The following RASGRF2 variants were observed in gnomAD, a reference collection of about 807,000 sequenced individuals.
RASGRF2 encodes the protein Ras protein specific guanine nucleotide releasing factor 2, also known as ras-specific guanine nucleotide-releasing factor 2.
A neutral mutation model predicts 151.0 loss-of-function variants in RASGRF2; 76 were observed. That is an observed-to-expected ratio of 0.50 (90% CI 0.42 to 0.61). The LOEUF (loss-of-function observed/expected upper bound fraction) is 0.61, where lower values mean the gene tolerates loss of function less well. Among genes scored for constraint, RASGRF2 ranks in the 20% least tolerant of loss-of-function variants. The pLI is 0.00. For synonymous variants in RASGRF2, 504 were observed against 566.5 expected, an observed-to-expected ratio of 0.89 and a Z score of 1.57; for missense variants, 1,148 against 1,564.6, an observed-to-expected ratio of 0.73 and a Z score of 4.49.
At chr5:81,202,273 C>T (rs1755414547) in intron 19 of RASGRF2, among the ~76,000 whole-genome samples, 1 of 152,176 alleles carries the variant, frequency 6.6e-6, no homozygotes, top group Non-Finnish European at 1.5e-5. Context: ...GGGTCTGGTA[C>T]TTCTTTACCA....
intron 17 of RASGRF2, among the ~76,000 whole-genome samples, chr5:81,144,640 T>C (rs966741066): frequency 6.6e-6 from 1 of 152,238 alleles, no homozygotes; most frequent in Non-Finnish European, 1.5e-5. Flanking sequence ...GTGGTTGCAC[T>C]TATTATCAAC....
Position 81,225,663 on chromosome 5 carries a change from C to T in RASGRF2, c.3622-15C>T. The stretch of plus-strand genomic sequence containing the variant: ...CTGAAAGAGGTAAAAGCTGGGACTT[C>T]CCCTTTTTTTTCAGGTCGCACAGTA... On this transcript the variant is annotated splice_polypyrimidine_tract_variant and intron_variant, in intron 26 of 26. Coordinates refer to ENST00000265080, the MANE Select transcript of RASGRF2 (RefSeq NM_006909.3). 2.5e-6 allele frequency: 4 copies of T among 1,609,650 alleles called. No individual in the cohort carries two copies. The highest frequency in any genetic ancestry group is 3.4e-6 in the Non-Finnish European group (4 of 1,178,394).
chr5:81,208,271 A>G lies in RASGRF2; in HGVS notation c.3072-83A>G. 1.7e-6 allele frequency: 2 copies of G among 1,178,654 alleles called. 1 individual carries two copies. The highest frequency in any genetic ancestry group is 2.8e-5 in the South Asian group (2 of 72,318). 73.0% of individuals were successfully genotyped at this position (1,178,654 alleles called of 1,614,324 possible). Reference sequence around the variant, plus strand: ...AGGCCATGTCAAATGGAATTTTTCTAATATTCGTGACAACTGTCCAGGATC... The same window carrying G: ...AGGCCATGTCAAATGGAATTTTTCTGATATTCGTGACAACTGTCCAGGATC... On this transcript the variant is annotated intron_variant, in intron 21 of 26. Transcript: ENST00000265080.
intron 5 of RASGRF2, among the ~76,000 whole-genome samples, chr5:81,076,875 G>T (rs1458411765): frequency 6.6e-6 from 1 of 152,270 alleles, no homozygotes; most frequent in East Asian, 1.9e-4. Flanking sequence ...TTTCCAGTGA[G>T]ATCAGTCAGG....
intron 26 of RASGRF2, among the ~76,000 whole-genome samples, chr5:81,223,642 G>GA (rs752469512): frequency 2.1e-3 from 289 of 136,154 alleles, no homozygotes; most frequent in Admixed American, 1.9e-3. Context: ...CTCCGTCTCA[G>GA]AAAAAAAAAA....
At chr5:81,011,054 TG>T (rs146609465) in intron 1 of RASGRF2, among the ~76,000 whole-genome samples, 81,522 of 151,594 alleles carry the variant, frequency 0.54, 22,188 homozygotes, top group Middle Eastern at 0.68. Flanking sequence ...ATATTTAAGA[TG>T]TATGTGGTAT....
At chr5:81,082,794 A>C (rs918585476) in intron 7 of RASGRF2, among the ~76,000 whole-genome samples, 1 of 152,238 alleles carries the variant, frequency 6.6e-6, no homozygotes, top group Admixed American at 6.5e-5. Context: ...GGAGGCTTTG[A>C]TCTGGAAGAA....
chr5:81,227,817 T>G lies in RASGRF2; in HGVS notation c.*2047T>G, dbSNP rs1435750291. ...CATGCATTCTACTCTGCCTTGGAGT[T>G]GCCAGAGTCCTTCAGAGGGAAAGGG... is the stretch of plus-strand genomic sequence containing the variant. On this transcript the variant is annotated 3_prime_UTR_variant, in exon 27 of 27. Transcript: ENST00000265080. The G allele has an allele frequency of 6.6e-6, 1 of 152,178 alleles. No individual in the cohort carries two copies. The highest frequency in any genetic ancestry group is 1.9e-4 in the East Asian group (1 of 5,200). The allele number at this position is 152,178 out of a possible 1,614,324, so 9.4% of individuals were successfully genotyped here.
At chr5:81,016,238 A>G (rs1749633278) in intron 1 of RASGRF2, among the ~76,000 whole-genome samples, 1 of 152,222 alleles carries the variant, frequency 6.6e-6, no homozygotes, top group Non-Finnish European at 1.5e-5. Context: ...ACAGAGAGGA[A>G]TCATTGTCTT....
At chr5:81,132,014 G>A (rs760228553) in intron 17 of RASGRF2, among the ~76,000 whole-genome samples, 5 of 152,264 alleles carry the variant, frequency 3.3e-5, no homozygotes, top group Admixed American at 6.5e-5. Flanking sequence ...ATTGTCTCAC[G>A]TTCCCTGTTA....
At chr5:81,167,116 G>T (rs10942943) in intron 17 of RASGRF2, among the ~76,000 whole-genome samples, 97,768 of 152,042 alleles carry the variant, frequency 0.64, 32,283 homozygotes, top group East Asian at 0.79. Context: ...TAGCACCATT[G>T]TGAGTTATGT....
chr5:81,086,382 A>G (rs1276105931), intron 8 of RASGRF2, among the ~76,000 whole-genome samples: 1 of 152,132 alleles, frequency 6.6e-6, no homozygotes, highest in African/African-American at 2.4e-5. Flanking sequence ...TTGTATTCAT[A>G]TTTGGTAAGA....
At chr5:81,201,184 C>A in intron 18 of RASGRF2, 146 bp from the exon 19 acceptor site, 1 of 1,303,320 alleles carries the variant, frequency 7.7e-7, no homozygotes, top group East Asian at 2.8e-5. Context: ...AAATCGGGAC[C>A]CTAGGTGTGG....
intron 12 of RASGRF2, among the ~76,000 whole-genome samples, chr5:81,099,406 GT>G (rs140505578): frequency 0.013 from 1,924 of 152,284 alleles, 44 homozygotes; most frequent in African/African-American, 0.043. Flanking sequence ...CTGTTTCCAA[GT>G]TTGAGGATTA....
At position 81,225,818 on chromosome 5, in the gene RASGRF2, A is replaced by ACAGACAGAATTGTGTATGCCTTG. The variant is rs758440484; in HGVS notation, c.*50_*72dup. On this transcript the variant is annotated 3_prime_UTR_variant, in exon 27 of 27. Coordinates refer to ENST00000265080, the MANE Select transcript of RASGRF2 (RefSeq NM_006909.3). ...CCACGGGATGTTCATGGAAAGCAGG[A>ACAGACAGAATTGTGTATGCCTTG]CAGACAGAATTGTGTATGCCTTGCC... The ACAGACAGAATTGTGTATGCCTTG allele has an allele frequency of 6.3e-7, 1 of 1,592,850 alleles. No homozygotes were observed. The highest frequency in any genetic ancestry group is 1.1e-5 in the South Asian group (1 of 87,810).
At chr5:81,022,262 A>T (rs935033936) in intron 1 of RASGRF2, among the ~76,000 whole-genome samples, 2 of 151,894 alleles carry the variant, frequency 1.3e-5, no homozygotes, top group Non-Finnish European at 2.9e-5. Flanking sequence ...GGGCTTCATG[A>T]CTCCAGGCCA....
At chr5:81,217,571 C>CTTA (rs1561265129) in intron 25 of RASGRF2, 98 bp downstream of exon 25, 52 of 360,592 alleles carry the variant, frequency 1.4e-4, no homozygotes, top group South Asian at 2.6e-4. Context: ...TTTTTTTTCT[C>CTTA]TTCTTTTTTT....
intron 17 of RASGRF2, among the ~76,000 whole-genome samples, chr5:81,162,975 G>A (rs1754422424): frequency 6.6e-6 from 1 of 152,128 alleles, no homozygotes. Flanking sequence ...CATCAAGGGG[G>A]CTGCTGTCTC....
intron 1 of RASGRF2, among the ~76,000 whole-genome samples, chr5:81,012,585 G>T (rs1432690003): frequency 6.6e-6 from 1 of 152,094 alleles, no homozygotes; most frequent in Non-Finnish European, 1.5e-5. Flanking sequence ...CCTTGTCCAA[G>T]GTTATGCCCT....
Sources: gnomAD v4.1 joint callset for allele counts (sites outside exome capture counted in the v4.1 genomes callset) on GRCh38, gnomAD v4.1.1 for gene constraint, MANE v1.5 for transcripts, NCBI Gene and HGNC (gene_info 2026-07-23, HGNC 2026-07-21) for gene names.